Variants in PLCZ1 observed in about 807,000 individuals in gnomAD.
PLCZ1 encodes the protein 1-phosphatidylinositol 4,5-bisphosphate phosphodiesterase zeta-1.
A neutral mutation model predicts 76.8 loss-of-function variants in PLCZ1; 64 were observed. The ratio of observed to expected loss-of-function variants is 0.83; its 90% confidence interval spans 0.68 to 1.03. The LOEUF (loss-of-function observed/expected upper bound fraction) is 1.03. Ranked by LOEUF, PLCZ1 falls within the 50% of genes least tolerant of loss-of-function variation. The pLI is 0.00. For missense variants in PLCZ1, 751 were observed against 713.7 expected, an observed-to-expected ratio of 1.05 and a Z score of -0.60; for synonymous variants, 248 against 230.8, an observed-to-expected ratio of 1.07 and a Z score of -0.68.
chr12:18,693,538 A>C, intron 12 of PLCZ1: 1 of 1,611,536 alleles, frequency 6.2e-7, no homozygotes, highest in Non-Finnish European at 8.5e-7. Context: ...TTGGCTCTGA[A>C]CTTATTCAGA....
the PLCZ1 span, among the ~76,000 whole-genome samples, chr12:18,674,576 C>T: frequency 1.3e-5 from 2 of 152,158 alleles, no homozygotes; most frequent in Non-Finnish European, 1.5e-5. Flanking sequence ...TTTCAGTCTG[C>T]CAACCATTAT....
intron 5 of PLCZ1, chr12:18,715,018 G>T (rs1210697738): frequency 6.6e-6 from 1 of 151,844 alleles, no homozygotes; most frequent in Non-Finnish European, 1.5e-5. Flanking sequence ...TTTAGATTTA[G>T]TTCTTCTTTG....
chr12:18,710,496 A>T (rs1459813666), intron 6 of PLCZ1, among the ~76,000 whole-genome samples: 1 of 152,002 alleles, frequency 6.6e-6, no homozygotes, highest in East Asian at 1.9e-4. Context: ...TACAAATTTC[A>T]GCTTTTATTT....
intron 12 of PLCZ1, among the ~76,000 whole-genome samples, chr12:18,691,587 T>C (rs1954092244): frequency 6.6e-6 from 1 of 151,490 alleles, no homozygotes. Context: ...AAAAGGAGAG[T>C]CCAGTCCCAG....
At chr12:18,719,761 T>A in intron 4 of PLCZ1, 129 bp from the exon 5 acceptor site, 1 of 569,076 alleles carries the variant, frequency 1.8e-6, no homozygotes, top group Non-Finnish European at 2.9e-6. Context: ...AGAATTAATA[T>A]TAATACTATA....
At chr12:18,737,655 A>G (rs1011167352) in intron 1 of PLCZ1, 146 bp from the exon 2 acceptor site, 2 of 533,060 alleles carry the variant, frequency 3.8e-6, no homozygotes, top group Admixed American at 3.1e-5. Context: ...CGTTCTGACC[A>G]CCTCCAAACC....
rs1277505789 is a variant in PLCZ1 at position 18,737,428 on chromosome 12, G to C, written c.-57C>G. 3.7e-6 allele frequency: 6 copies of C among 1,611,260 alleles called. No individual in the cohort carries two copies. Among genetic ancestry groups the C allele is most frequent in the Non-Finnish European group, 5.1e-6 (6 of 1,177,540 alleles). ...ACTTAGAAGTCTTTCCCCAGTAGGT[G>C]CTGTCATGGGTTCCAAATACAATTA... is the stretch of plus-strand genomic sequence containing the variant. On this transcript the variant is annotated 5_prime_UTR_variant, in exon 2 of 15. Coordinates refer to ENST00000266505, the MANE Select transcript of PLCZ1 (RefSeq NM_033123.4).
chr12:18,681,262 A>C (rs1180171386), downstream of PLCZ1, among the ~76,000 whole-genome samples: 1 of 152,030 alleles, frequency 6.6e-6, no homozygotes, highest in Non-Finnish European at 1.5e-5. Flanking sequence ...CAGGGAATAT[A>C]ACCTAATCTA....
the PLCZ1 span, among the ~76,000 whole-genome samples, chr12:18,658,476 A>G: frequency 2.0e-5 from 3 of 152,168 alleles, no homozygotes; most frequent in Admixed American, 2.0e-4. Flanking sequence ...ATCCTCAATA[A>G]GATTAATGGC....
intron 10 of PLCZ1, among the ~76,000 whole-genome samples, chr12:18,697,664 C>CAT (rs1384518237): frequency 2.6e-5 from 4 of 152,138 alleles, no homozygotes; most frequent in Non-Finnish European, 2.9e-5. Flanking sequence ...AACTCCTTCA[C>CAT]ATATATCTTC....
chr12:18,735,960 A>T, intron 3 of PLCZ1: 1 of 336,730 alleles, frequency 3.0e-6, no homozygotes, highest in Non-Finnish European at 5.5e-6. Context: ...AGTCTGATAT[A>T]ATTAGACATC....
intron 3 of PLCZ1, among the ~76,000 whole-genome samples, chr12:18,733,069 A>C (rs759874712): frequency 9.9e-5 from 15 of 152,182 alleles, no homozygotes; most frequent in Non-Finnish European, 2.2e-4. Context: ...TTGCATTCAC[A>C]CCAATAGTAT....
chr12:18,720,047 C>G (rs1335893490), intron 4 of PLCZ1, among the ~76,000 whole-genome samples: 1 of 152,024 alleles, frequency 6.6e-6, no homozygotes, highest in East Asian at 1.9e-4. Flanking sequence ...ACTGATCTGA[C>G]TTCGAAAAGC....
the PLCZ1 span, among the ~76,000 whole-genome samples, chr12:18,676,090 C>T: frequency 5.3e-5 from 8 of 152,070 alleles, no homozygotes; most frequent in African/African-American, 1.9e-4. Flanking sequence ...TCTCATTCTT[C>T]CTGCTTTGCA....
the PLCZ1 span, among the ~76,000 whole-genome samples, chr12:18,670,195 A>G: frequency 6.6e-6 from 1 of 152,174 alleles, no homozygotes; most frequent in East Asian, 1.9e-4. Flanking sequence ...AACAAGATCA[A>G]TATAAAAATG....
At chr12:18,702,582 C>A (rs1359727107) in intron 7 of PLCZ1, among the ~76,000 whole-genome samples, 1 of 152,104 alleles carries the variant, frequency 6.6e-6, no homozygotes, top group South Asian at 2.1e-4. Context: ...TTGGGTCTTC[C>A]CTCTTTCACA....
intron 3 of PLCZ1, among the ~76,000 whole-genome samples, chr12:18,729,929 TAATTC>T (rs1412472110): frequency 4.6e-5 from 7 of 152,158 alleles, no homozygotes; most frequent in Non-Finnish European, 8.8e-5. Context: ...TGAATAAATG[TAATTC>T]AATTGTGTAT....
chr12:18,697,900 A>G (rs1332682073), intron 10 of PLCZ1, among the ~76,000 whole-genome samples: 1 of 152,130 alleles, frequency 6.6e-6, no homozygotes, highest in African/African-American at 2.4e-5. Context: ...CTTTTGGTGC[A>G]AGAAAAATGC....
At chr12:18,660,605 GACCTT>G in the PLCZ1 span, among the ~76,000 whole-genome samples, 1 of 152,062 alleles carries the variant, frequency 6.6e-6, no homozygotes, top group Non-Finnish European at 1.5e-5. Context: ...GACCAGAAAA[GACCTT>G]AGATTTATAC....
Sources: allele counts gnomAD v4.1 joint callset (sites outside exome capture counted in the v4.1 genomes callset), GRCh38; gene constraint gnomAD v4.1.1; transcripts MANE v1.5; gene names NCBI Gene and HGNC (gene_info 2026-07-23, HGNC 2026-07-21).